Variants in TTC28 observed in about 807,000 individuals in gnomAD.
The protein encoded by TTC28 is tetratricopeptide repeat domain 28.
In TTC28, 61 loss-of-function variants were observed where a neutral mutation model predicts 198.0. The ratio of observed to expected loss-of-function variants is 0.31; its 90% CI spans 0.25 to 0.38. The LOEUF (loss-of-function observed/expected upper bound fraction) is 0.38. Ranked by LOEUF, TTC28 falls within the 10% of genes least tolerant of loss-of-function variation. The pLI, the probability that TTC28 is intolerant of heterozygous loss-of-function variation, is 1.00. For missense variants in TTC28, 2,678 were observed against 3,164.0 expected, an observed-to-expected ratio of 0.85 and a Z score of 3.69; for synonymous variants, 1,171 against 1,297.8, an observed-to-expected ratio of 0.90 and a Z score of 2.10.
chr22:27,993,558 C>G, intron 17 of TTC28, 40 bp from the exon 18 acceptor site: 1 of 1,500,536 alleles, frequency 6.7e-7, no homozygotes, highest in Non-Finnish European at 9.0e-7. Flanking sequence ...CCCAGGCCAG[C>G]CCTGGTTTCC....
intron 2 of TTC28, among the ~76,000 whole-genome samples, chr22:28,404,465 T>C (rs1407916138): frequency 1.3e-5 from 2 of 151,982 alleles, no homozygotes; most frequent in Non-Finnish European, 2.9e-5. Context: ...AACGGTGTTG[T>C]TGGTAGATGT....
At chr22:28,615,937 A>G (rs2050898831) in intron 2 of TTC28, among the ~76,000 whole-genome samples, 1 of 152,200 alleles carries the variant, frequency 6.6e-6, no homozygotes, top group African/African-American at 2.4e-5. Flanking sequence ...CAGAGCTTAA[A>G]GTGTAATTTT....
intron 5 of TTC28, among the ~76,000 whole-genome samples, chr22:28,284,689 C>A (rs1479534585): frequency 6.6e-6 from 1 of 151,772 alleles, no homozygotes; most frequent in African/African-American, 2.4e-5. Context: ...AAGCAAAGGA[C>A]CTGAATAACA....
chr22:28,662,392 A>C (rs1351165011), intron 1 of TTC28, among the ~76,000 whole-genome samples: 4 of 152,246 alleles, frequency 2.6e-5, no homozygotes, highest in African/African-American at 9.6e-5. Flanking sequence ...CCAGGCTGCT[A>C]AATTAGAATC....
chr22:28,394,785 G>C (rs1471226116), intron 2 of TTC28, among the ~76,000 whole-genome samples: 8 of 152,234 alleles, frequency 5.3e-5, no homozygotes, highest in Non-Finnish European at 1.2e-4. Context: ...ACAGCATGTA[G>C]AACACACAGC....
chr22:28,611,063 T>C (rs1018263350), intron 2 of TTC28, among the ~76,000 whole-genome samples: 12 of 152,086 alleles, frequency 7.9e-5, no homozygotes, highest in Admixed American at 2.0e-4. Flanking sequence ...CCAAGAAATA[T>C]GGGACTATGT....
intron 2 of TTC28, among the ~76,000 whole-genome samples, chr22:28,602,446 G>A (rs1383877163): frequency 1.3e-5 from 2 of 152,102 alleles, no homozygotes; most frequent in Non-Finnish European, 2.9e-5. Context: ...TTTTAATGGT[G>A]GTACTGTGGT....
chr22:28,660,659 T>A (rs2051728304), intron 1 of TTC28, among the ~76,000 whole-genome samples: 1 of 151,532 alleles, frequency 6.6e-6, no homozygotes, highest in East Asian at 2.0e-4. Flanking sequence ...GAGTAGCTGA[T>A]ACTACAGGCA....
chr22:28,447,289 T>C (rs1161067356), intron 2 of TTC28, among the ~76,000 whole-genome samples: 1 of 152,092 alleles, frequency 6.6e-6, no homozygotes. Flanking sequence ...TAAAGATACA[T>C]GAATCATGTT....
chr22:28,501,249 G>A (rs1227671648), intron 2 of TTC28, among the ~76,000 whole-genome samples: 3 of 152,112 alleles, frequency 2.0e-5, no homozygotes, highest in Non-Finnish European at 2.9e-5. Context: ...TCCTGAGACT[G>A]GCACTATATT....
At position 27,981,981 on chromosome 22, in the gene TTC28, T is replaced by C. The variant is rs1158052087; in HGVS notation, c.*240A>G. 2.4e-5 allele frequency: 10 copies of C among 423,372 alleles called. No individual in the cohort carries two copies. The East Asian group carries it at 3.5e-4, about 15-fold the overall frequency. 26.2% of individuals were successfully genotyped at this position (423,372 alleles called of 1,614,324 possible). A position where few individuals can be genotyped will look rare whatever the true frequency, so the allele number is the denominator to read the frequency against. On this transcript the variant is annotated 3_prime_UTR_variant, in exon 23 of 23. Coordinates refer to ENST00000397906, the MANE Select transcript of TTC28 (RefSeq NM_001145418.2). ...GTAAACAAACATTTGGTGAAGTGTGTAGGAAATTCCATGAGCCTCCTGTAC... is the reference window on the plus strand; with the variant it reads ...GTAAACAAACATTTGGTGAAGTGTGCAGGAAATTCCATGAGCCTCCTGTAC...
chr22:28,144,913 G>A (rs1358026265), intron 6 of TTC28, among the ~76,000 whole-genome samples: 1 of 152,226 alleles, frequency 6.6e-6, no homozygotes, highest in East Asian at 1.9e-4. Flanking sequence ...CTTCTTAAAG[G>A]AAGGGGTGTT....
chr22:28,122,600 T>G (rs1942815577), intron 6 of TTC28, among the ~76,000 whole-genome samples: 2 of 152,238 alleles, frequency 1.3e-5, no homozygotes, highest in Non-Finnish European at 2.9e-5. Flanking sequence ...TGGGTTGTTT[T>G]GTTTACATTA....
At chr22:28,379,285 C>CA (rs1284516380) in intron 2 of TTC28, among the ~76,000 whole-genome samples, 2 of 152,114 alleles carry the variant, frequency 1.3e-5, no homozygotes, top group Non-Finnish European at 2.9e-5. Flanking sequence ...GCTATATACC[C>CA]AAAATAACTG....
At chr22:28,361,202 G>C (rs535054684) in intron 2 of TTC28, among the ~76,000 whole-genome samples, 1 of 152,294 alleles carries the variant, frequency 6.6e-6, no homozygotes, top group South Asian at 2.1e-4. Context: ...TAGTGAGGAA[G>C]GCAGGTCAAA....
At chr22:28,285,093 G>A (rs1365561183) in intron 5 of TTC28, among the ~76,000 whole-genome samples, 1 of 152,216 alleles carries the variant, frequency 6.6e-6, no homozygotes, top group Non-Finnish European at 1.5e-5. Flanking sequence ...CAACCTAAGT[G>A]TCAGATGAAT....
At position 27,996,306 on chromosome 22, in the gene TTC28, C is replaced by T. The variant is rs1023234172; in HGVS notation, c.5120-47G>A. ...ACCTCAGCAGGGCAGCTGGAGACCCCCAGCCCCACCCCGGCTTCCAGGGCT... is the reference window on the plus strand; with the variant it reads ...ACCTCAGCAGGGCAGCTGGAGACCCTCAGCCCCACCCCGGCTTCCAGGGCT... On this transcript the variant is annotated intron_variant, in intron 16 of 22. Transcript: ENST00000397906. The T allele has an allele frequency of 7.2e-6, 11 of 1,535,480 alleles. No homozygotes were observed. In the Admixed American group the frequency reaches 1.4e-4, roughly 19 times the overall value.
chr22:28,548,322 G>A (rs542949723), intron 2 of TTC28, among the ~76,000 whole-genome samples: 1 of 152,290 alleles, frequency 6.6e-6, no homozygotes, highest in East Asian at 1.9e-4. Flanking sequence ...ATTCATTCTG[G>A]TATCTCAGGG....
intron 3 of TTC28, among the ~76,000 whole-genome samples, chr22:28,303,217 G>A (rs1047478961): frequency 2.6e-5 from 4 of 152,062 alleles, no homozygotes; most frequent in African/African-American, 9.7e-5. Context: ...ATAAATCCAT[G>A]GTTGGCAGTA....
Sources: allele counts gnomAD v4.1 joint callset (sites outside exome capture counted in the v4.1 genomes callset), GRCh38; gene constraint gnomAD v4.1.1; transcripts MANE v1.5; gene names NCBI Gene and HGNC (gene_info 2026-07-23, HGNC 2026-07-21).